RCOR1: variants seen among roughly 807,000 people sequenced by gnomAD.
RCOR1 encodes the protein REST corepressor.
Under a neutral mutation model 64.0 loss-of-function variants are expected in RCOR1, and 12 were observed. That is an observed-to-expected ratio of 0.19 (90% CI 0.12 to 0.30). The LOEUF is 0.30. Among genes scored for constraint, RCOR1 ranks in the 10% least tolerant of loss-of-function variants. The pLI, the probability that RCOR1 is intolerant of heterozygous loss-of-function variation, is 1.00. For synonymous variants in RCOR1, 279 were observed against 227.2 expected (o/e 1.23, Z -2.05); for missense variants, 502 against 621.2 (o/e 0.81, Z 2.04).
intron 2 of RCOR1, among the ~76,000 whole-genome samples, chr14:102,670,755 ATATT>A (rs894045108): frequency 6.7e-6 from 1 of 148,750 alleles, no homozygotes; most frequent in Admixed American, 6.7e-5. Flanking sequence ...ATATATATAT[ATATT>A]TATTTATTTT....
chr14:102,597,126 G>A lies in RCOR1; in HGVS notation c.361+3801G>A, dbSNP rs1464666140. ...GACCTCAGGTGATCTGCCCCCCTCG[G>A]CCTCCCAAAGTGCTGGGATTACAGG... On this transcript the variant is annotated intron_variant, in intron 2 of 11. Coordinates refer to ENST00000262241, the MANE Select transcript of RCOR1 (RefSeq NM_015156.4). Among the ~76,000 whole-genome samples, 15 of 143,022 alleles carry A rather than the reference G, an allele frequency of 1.0e-4. 1 individual carries two copies. In the South Asian group the frequency reaches 2.7e-3, roughly 26 times the overall value. 93.8% of individuals were successfully genotyped at this position (143,022 alleles called of 152,430 possible).
chr14:102,608,884 A>G (rs955544402), intron 2 of RCOR1, among the ~76,000 whole-genome samples: 1 of 151,432 alleles, frequency 6.6e-6, no homozygotes, highest in Non-Finnish European at 1.5e-5. Context: ...GTTGATGGAC[A>G]TTTAGCTTGT....
chr14:102,669,393 A>G (rs761282939), intron 2 of RCOR1, among the ~76,000 whole-genome samples: 16 of 152,114 alleles, frequency 1.1e-4, no homozygotes, highest in Non-Finnish European at 1.9e-4. Context: ...TAGAGAGTGA[A>G]CTGTTGTCAG....
intron 3 of RCOR1, among the ~76,000 whole-genome samples, chr14:102,694,475 C>A (rs1895604484): frequency 6.6e-6 from 1 of 152,120 alleles, no homozygotes; most frequent in Admixed American, 6.5e-5. Context: ...TGGGGTTTCA[C>A]CGTGTTAGCC....
chr14:102,720,895 T>C (rs1345274209), intron 8 of RCOR1, 112 bp from the exon 9 acceptor site: 5 of 589,276 alleles, frequency 8.5e-6, no homozygotes, highest in African/African-American at 3.9e-5. Flanking sequence ...CTACAACAGA[T>C]GTTAGTAACG....
intron 3 of RCOR1, among the ~76,000 whole-genome samples, chr14:102,690,252 G>A (rs768891232): frequency 1.3e-5 from 2 of 152,126 alleles, no homozygotes; most frequent in Non-Finnish European, 2.9e-5. Flanking sequence ...TATTGTACAT[G>A]AAAGTTTAGA....
At chr14:102,648,581 G>A (rs1894521085) in intron 2 of RCOR1, among the ~76,000 whole-genome samples, 1 of 152,116 alleles carries the variant, frequency 6.6e-6, no homozygotes, top group Non-Finnish European at 1.5e-5. Flanking sequence ...AGCCCTCTTA[G>A]TGGGCAGAAC....
intron 4 of RCOR1, among the ~76,000 whole-genome samples, chr14:102,705,112 TCAACAA>T (rs569745143): frequency 9.9e-5 from 15 of 151,186 alleles, no homozygotes; most frequent in African/African-American, 3.2e-4. Context: ...CAACTCTATA[TCAACAA>T]CAACAACAAC....
chr14:102,706,744 T>C (rs1251946369), intron 4 of RCOR1, among the ~76,000 whole-genome samples: 2 of 151,894 alleles, frequency 1.3e-5, no homozygotes, highest in Non-Finnish European at 2.9e-5. Flanking sequence ...TCAAGGAGGA[T>C]TGCTTGAGCC....
rs569606928 is a variant in RCOR1, at chr14:102,699,314, A to G, written c.446-1964A>G. Reference sequence around the variant, plus strand: ...TGAGTGAAGTAACCAGTTTGTAACTATTTTAAATATTAAATCGGAAATTAG... The same window carrying G: ...TGAGTGAAGTAACCAGTTTGTAACTGTTTTAAATATTAAATCGGAAATTAG... On this transcript the variant is annotated intron_variant, in intron 3 of 11. Coordinates refer to ENST00000262241, the MANE Select transcript of RCOR1 (RefSeq NM_015156.4). Among the ~76,000 whole-genome samples, 25 of 152,368 alleles carry G rather than the reference A, an allele frequency of 1.6e-4. No individual in the cohort carries two copies. The South Asian group carries it at 4.8e-3, about 29-fold the overall frequency.
chr14:102,657,988 A>G, intron 2 of RCOR1: 2 of 945,850 alleles, frequency 2.1e-6, no homozygotes, highest in South Asian at 9.8e-5. Context: ...TTATTTATTT[A>G]TTTTGAGACA....
chr14:102,600,631 C>T (rs1176847274), intron 2 of RCOR1, among the ~76,000 whole-genome samples: 7 of 144,966 alleles, frequency 4.8e-5, no homozygotes, highest in Admixed American at 2.1e-4. Flanking sequence ...AGTGCAGTGG[C>T]GTGATCTCAG....
chr14:102,668,542 C>G (rs1432154829), intron 2 of RCOR1, among the ~76,000 whole-genome samples: 1 of 152,180 alleles, frequency 6.6e-6, no homozygotes, highest in Non-Finnish European at 1.5e-5. Context: ...TCTACCTCGG[C>G]TATCTGCTGA....
intron 2 of RCOR1, among the ~76,000 whole-genome samples, chr14:102,626,391 T>C (rs1893982882): frequency 6.6e-6 from 1 of 151,852 alleles, no homozygotes; most frequent in African/African-American, 2.4e-5. Flanking sequence ...AAATACAGAG[T>C]GCTACGTTAT....
At position 102,728,082 on chromosome 14, in the gene RCOR1, G is replaced by C. The variant is rs1433371824; in HGVS notation, c.*1576G>C. The C allele has an allele frequency of 6.6e-6, 1 of 152,488 alleles. No homozygotes were observed. The highest frequency in any genetic ancestry group is 2.4e-5 in the African/African-American group (1 of 41,426). 9.4% of individuals were successfully genotyped at this position (152,488 alleles called of 1,614,324 possible). ...ATATGTTTTGTCTCCCAAGCACCTT[G>C]TTTTTTGTTGTTGTTGTTGTTGTTG... On this transcript the variant is annotated 3_prime_UTR_variant, in exon 12 of 12. Transcript: ENST00000262241.
chr14:102,675,928 T>G (rs1187007155), intron 2 of RCOR1, among the ~76,000 whole-genome samples: 3 of 152,212 alleles, frequency 2.0e-5, no homozygotes, highest in Admixed American at 2.0e-4. Context: ...TTGTTGAATA[T>G]ATTAGTAGTT....
intron 2 of RCOR1, among the ~76,000 whole-genome samples, chr14:102,661,026 C>A (rs1416511538): frequency 2.0e-5 from 3 of 152,142 alleles, no homozygotes; most frequent in Non-Finnish European, 4.4e-5. Context: ...CTAATAAAAT[C>A]CTCACAAATC....
Position 102,592,929 on chromosome 14 carries a change from C to A in RCOR1, c.43C>A (p.Arg15=). Residue 15 remains arginine (R), a synonymous_variant, in exon 1 of 12, where the codon CGG becomes AGG. Transcript: ENST00000262241. ...VEKGPEVSGK[R]RGRNNAAASA... ...GAAGGGCCCCGAGGTCTCAGGGAAGCGGAGAGGGAGGAACAACGCGGCCGC... is the reference window on the plus strand; with the variant it reads ...GAAGGGCCCCGAGGTCTCAGGGAAGAGGAGAGGGAGGAACAACGCGGCCGC... 1 of 1,237,836 alleles carries A rather than the reference C, an allele frequency of 8.1e-7. No individual in the cohort carries two copies. The highest frequency in any genetic ancestry group is 1.0e-6 in the Non-Finnish European group (1 of 982,194). The allele number at this position is 1,237,836 out of a possible 1,614,324, so 76.7% of individuals were successfully genotyped here. A position where few individuals can be genotyped will look rare whatever the true frequency, so the allele number is the denominator to read the frequency against.
At chr14:102,720,015 G>T (rs957057503) in intron 8 of RCOR1, among the ~76,000 whole-genome samples, 1 of 152,152 alleles carries the variant, frequency 6.6e-6, no homozygotes, top group African/African-American at 2.4e-5. Flanking sequence ...TGTCTAGCAT[G>T]GCAGCCAGCA....
Sources: allele counts gnomAD v4.1 joint callset (sites outside exome capture counted in the v4.1 genomes callset), GRCh38; gene constraint gnomAD v4.1.1; transcripts MANE v1.5; gene names NCBI Gene and HGNC (gene_info 2026-07-23, HGNC 2026-07-21).